Variants in TBC1D22A observed in about 807,000 individuals in gnomAD.
TBC1D22A encodes putative GTPase activator.
TBC1D22A carries 38 observed loss-of-function variants against 60.2 expected under a neutral mutation model. The ratio of observed to expected loss-of-function variants is 0.63; its 90% CI spans 0.49 to 0.83. The LOEUF (loss-of-function observed/expected upper bound fraction) is 0.83. TBC1D22A is among the 40% of genes least tolerant of loss of function. TBC1D22A has a pLI of 0.00. For missense variants in TBC1D22A, 628 were observed against 701.0 expected, an observed-to-expected ratio of 0.90 and a Z score of 1.18; for synonymous variants, 302 against 281.7, an observed-to-expected ratio of 1.07 and a Z score of -0.72.
At chr22:47,078,704 G>C (rs117731886) in intron 11 of TBC1D22A, among the ~76,000 whole-genome samples, 3 of 152,214 alleles carry the variant, frequency 2.0e-5, no homozygotes, top group Non-Finnish European at 4.4e-5. Context: ...TGATCATCCA[G>C]TGTCTGCTGC....
intron 11 of TBC1D22A, among the ~76,000 whole-genome samples, chr22:47,094,025 G>T (rs941091078): frequency 2.6e-5 from 4 of 152,184 alleles, no homozygotes; most frequent in African/African-American, 9.7e-5. Context: ...TGATGTATGG[G>T]AAAACAGGGA....
chr22:46,939,027 G>A (rs1044499309), intron 8 of TBC1D22A, among the ~76,000 whole-genome samples: 1 of 151,634 alleles, frequency 6.6e-6, no homozygotes, highest in African/African-American at 2.4e-5. Flanking sequence ...CCATATGATT[G>A]CATTATCTTC....
At chr22:47,034,117 AATT>A (rs10563359) in intron 10 of TBC1D22A, among the ~76,000 whole-genome samples, 7,164 of 152,228 alleles carry the variant, frequency 0.047, 500 homozygotes, top group African/African-American at 0.15. Flanking sequence ...TTGGTAGTGA[AATT>A]AGTTTTATTT....
At chr22:47,047,264 T>G (rs1442763562) in intron 11 of TBC1D22A, among the ~76,000 whole-genome samples, 1 of 152,222 alleles carries the variant, frequency 6.6e-6, no homozygotes, top group East Asian at 1.9e-4. Flanking sequence ...CTGACAAGAT[T>G]AGAAAGAAAG....
At chr22:46,975,302 A>G (rs2074252911) in intron 9 of TBC1D22A, among the ~76,000 whole-genome samples, 2 of 152,094 alleles carry the variant, frequency 1.3e-5, no homozygotes. Context: ...GAGGGGACAG[A>G]AGGCACTCGA....
intron 1 of TBC1D22A, among the ~76,000 whole-genome samples, chr22:46,771,494 G>A (rs1253127656): frequency 6.6e-6 from 1 of 152,048 alleles, no homozygotes; most frequent in African/African-American, 2.4e-5. Context: ...ACTGAACCCA[G>A]TCTTTTATCC....
At chr22:46,893,891 A>G (rs2068533800) in intron 6 of TBC1D22A, among the ~76,000 whole-genome samples, 1 of 152,228 alleles carries the variant, frequency 6.6e-6, no homozygotes, top group Admixed American at 6.5e-5. Context: ...GATGTTCACC[A>G]GTAACGTTTT....
chr22:47,160,431 G>A lies in TBC1D22A; in HGVS notation c.1426-13067G>A, dbSNP rs540962833. Among the ~76,000 whole-genome samples the A allele has an allele frequency of 1.2e-3, 182 of 152,280 alleles. 1 individual carries two copies. The highest frequency in any genetic ancestry group is 6.8e-3 in the Middle Eastern group (2 of 294). Reference sequence around the variant, plus strand: ...GAAGGGAACGTCCTGGTCCTGGTCAGCGGGTGGAGGTCTTCACAGGGCCGC... The same window carrying A: ...GAAGGGAACGTCCTGGTCCTGGTCAACGGGTGGAGGTCTTCACAGGGCCGC... On this transcript the variant is annotated intron_variant, in intron 12 of 12. Transcript: ENST00000337137.
chr22:47,108,112 T>G (rs1436820136), intron 11 of TBC1D22A, among the ~76,000 whole-genome samples: 1 of 152,240 alleles, frequency 6.6e-6, no homozygotes, highest in Non-Finnish European at 1.5e-5. Flanking sequence ...AAGCATGTAT[T>G]TGATAAAAGG....
chr22:47,029,575 A>C (rs908810845), intron 10 of TBC1D22A, among the ~76,000 whole-genome samples: 1 of 152,190 alleles, frequency 6.6e-6, no homozygotes, highest in African/African-American at 2.4e-5. Context: ...TGTCCAGCCC[A>C]GACTCGGCTG....
At chr22:47,140,227 G>A (rs2067027538) in intron 12 of TBC1D22A, among the ~76,000 whole-genome samples, 1 of 152,038 alleles carries the variant, frequency 6.6e-6, no homozygotes, top group African/African-American at 2.4e-5. Context: ...TATTCTTCTC[G>A]GTGGCCCAGG....
At chr22:47,075,155 G>A (rs547761412) in intron 11 of TBC1D22A, among the ~76,000 whole-genome samples, 17 of 149,442 alleles carry the variant, frequency 1.1e-4, no homozygotes, top group African/African-American at 1.7e-4. Context: ...CCAGGGAGGC[G>A]GAGCTTGCAG....
chr22:46,873,793 T>C (rs995332731), intron 4 of TBC1D22A, among the ~76,000 whole-genome samples: 1 of 140,340 alleles, frequency 7.1e-6, no homozygotes, highest in African/African-American at 2.7e-5. Context: ...ATCTTGTTCC[T>C]TTTTTTTTTT....
At chr22:46,867,766 C>G (rs2067124361) in intron 4 of TBC1D22A, among the ~76,000 whole-genome samples, 1 of 152,208 alleles carries the variant, frequency 6.6e-6, no homozygotes, top group African/African-American at 2.4e-5. Flanking sequence ...GCGATCACAG[C>G]AGGGCAAGAA....
intron 5 of TBC1D22A, among the ~76,000 whole-genome samples, chr22:46,886,279 G>A (rs1275335520): frequency 6.6e-6 from 1 of 152,240 alleles, no homozygotes; most frequent in Non-Finnish European, 1.5e-5. Context: ...CAGAGGCCAG[G>A]TGGGAATAAT....
intron 7 of TBC1D22A, among the ~76,000 whole-genome samples, chr22:46,896,746 CT>C: frequency 6.6e-6 from 1 of 152,180 alleles, no homozygotes; most frequent in Non-Finnish European, 1.5e-5. Context: ...GTCCTCCTAC[CT>C]GGTGGGGGTG....
intron 8 of TBC1D22A, among the ~76,000 whole-genome samples, chr22:46,928,998 G>T (rs80156346): frequency 0.069 from 10,515 of 152,160 alleles, 502 homozygotes; most frequent in Non-Finnish European, 0.11. Context: ...GTTTCTTCTG[G>T]GGGGAGGCAA....
chr22:47,152,010 C>T (rs1336889418), intron 12 of TBC1D22A, among the ~76,000 whole-genome samples: 2 of 152,180 alleles, frequency 1.3e-5, no homozygotes, highest in African/African-American at 2.4e-5. Context: ...GGGCCTTACT[C>T]TGCTGGTGGC....
At chr22:47,060,620 C>T (rs1309418056) in intron 11 of TBC1D22A, among the ~76,000 whole-genome samples, 6 of 152,070 alleles carry the variant, frequency 3.9e-5, no homozygotes, top group African/African-American at 9.7e-5. Flanking sequence ...TTAATAGAGA[C>T]GGGGTTTTGC....
Sources: gnomAD v4.1 joint callset for allele counts (sites outside exome capture counted in the v4.1 genomes callset) on GRCh38, gnomAD v4.1.1 for gene constraint, MANE v1.5 for transcripts, NCBI Gene and HGNC (gene_info 2026-07-23, HGNC 2026-07-21) for gene names.